Variants in KISS1 observed in about 807,000 individuals in gnomAD.
KISS1 encodes the protein KiSS-1 metastasis suppressor.
For missense variants in KISS1, 182 were observed against 182.7 expected, an observed-to-expected ratio of 1.00 and a Z score of 0.02; for synonymous variants, 97 against 88.7, an observed-to-expected ratio of 1.09 and a Z score of -0.52.
At position 204,190,572 on chromosome 1, in the gene KISS1, G is replaced by C. The variant is rs767701905; in HGVS notation, c.329C>G (p.Pro110Arg). The stretch of plus-strand genomic sequence containing the variant: ...GCCGAAGGAGTTCCAGTTGTAGTTC[G>C]GCAGGTCCTTCTCCCGCTGCACCAG... ...AVLVQREKDL[P>R]NYNWNSFGLR... Residue 110 changes from proline (P) to arginine (R), a missense_variant, in exon 3 of 3, where the codon CCG (proline) becomes CGG (arginine). Coordinates refer to ENST00000367194, the MANE Select transcript of KISS1 (RefSeq NM_002256.4). 6.2e-7 allele frequency: 1 copy of C among 1,605,492 alleles called. No homozygotes were observed. Among genetic ancestry groups the C allele is most frequent in the Non-Finnish European group, 8.5e-7 (1 of 1,176,630 alleles).
rs576887485 is a variant in KISS1, at chr1:204,193,127, G to A, written c.-38-213C>T. On this transcript the variant is annotated intron_variant, in intron 1 of 2. Transcript: ENST00000367194. ...TGTAGTTAAAGCTGAATTCATGCTA[G>A]GTGAGGGTCATCAGGGAGGGCTTCC... 5.3e-5 allele frequency among the ~76,000 whole-genome samples: 8 copies of A among 152,318 alleles called. No individual in the cohort carries two copies. The East Asian group carries it at 1.5e-3, about 29-fold the overall frequency.
At chr1:204,195,197 C>CGCACACACCCATA (rs1558254530) in intron 1 of KISS1, among the ~76,000 whole-genome samples, 1 of 18,520 alleles carries the variant, frequency 5.4e-5, no homozygotes, top group African/African-American at 2.1e-4. Flanking sequence ...CACACACACA[C>CGCACACACCCATA]CACACACATA....
chr1:204,195,197 C>CATACACGCATACACCCATA (rs1558254530), intron 1 of KISS1, among the ~76,000 whole-genome samples: 12 of 18,510 alleles, frequency 6.5e-4, no homozygotes, highest in Non-Finnish European at 1.1e-3. Context: ...CACACACACA[C>CATACACGCATACACCCATA]CACACACATA....
In KISS1 at chr1:204,192,774, C is replaced by G; in HGVS notation, c.103G>C (p.Gly35Arg). 1 of 1,581,862 alleles carries G rather than the reference C, an allele frequency of 6.3e-7. No individual in the cohort carries two copies. The highest frequency in any genetic ancestry group is 1.1e-5 in the South Asian group (1 of 87,428). The change falls in exon 2 of 3, where the codon GGC becomes CGC. Residue 35 changes from glycine to arginine, a missense_variant and splice_region_variant. Transcript: ENST00000367194. This position sits in a 1 kb window ranked among gnomAD's most constrained non-coding sequence, Gnocchi z 4.2. ...ACTCCTTTCCCCAGAGGATACATAC[C>G]TGTGGGTCTAGAATTCCCCACAGAG... ...VASVGNSRPT[G>R]QQLESLGLLA... is the part of the protein sequence containing the mutation.
intron 2 of KISS1, among the ~76,000 whole-genome samples, chr1:204,191,346 C>T (rs1658740138): frequency 6.6e-6 from 1 of 151,710 alleles, no homozygotes; most frequent in Non-Finnish European, 1.5e-5. Context: ...AGAATTGTGA[C>T]CACCCACCCC....
intron 1 of KISS1, among the ~76,000 whole-genome samples, chr1:204,194,857 GC>G (rs1046840696): frequency 3.3e-5 from 5 of 152,232 alleles, no homozygotes; most frequent in African/African-American, 1.2e-4. Flanking sequence ...AGAGGATGGA[GC>G]TTTGCATGGA....
At chr1:204,194,754 G>T (rs1029689840) in intron 1 of KISS1, among the ~76,000 whole-genome samples, 1 of 152,144 alleles carries the variant, frequency 6.6e-6, no homozygotes, top group African/African-American at 2.4e-5. Flanking sequence ...ATCGCTGAAA[G>T]GTTTACAGAA....
Position 204,190,352 on chromosome 1 carries a change from A to C in KISS1, c.*132T>G. 1 of 953,426 alleles carries C rather than the reference A, an allele frequency of 1.0e-6. No individual in the cohort carries two copies. The highest frequency in any genetic ancestry group is 1.6e-6 in the Non-Finnish European group (1 of 618,682). 59.1% of individuals were successfully genotyped at this position (953,426 alleles called of 1,614,324 possible). ...AGACCACACGTCAGTGAGTTACGCA[A>C]CATTTCTTTTATTGCCTCGGGTTGG... On this transcript the variant is annotated 3_prime_UTR_variant, in exon 3 of 3. Transcript: ENST00000367194.
At chr1:204,195,061 C>T (rs1243129629) in intron 1 of KISS1, among the ~76,000 whole-genome samples, 1 of 151,634 alleles carries the variant, frequency 6.6e-6, no homozygotes, top group Non-Finnish European at 1.5e-5. Flanking sequence ...TCCCCTTTCC[C>T]CCCGAGTGCC....
rs762880182 is a variant in KISS1 at position 204,190,634 on chromosome 1, G to T, written c.267C>A (p.Pro89=). The T allele has an allele frequency of 1.9e-6, 3 of 1,584,956 alleles. No individual in the cohort carries two copies. The Admixed American group carries it at 5.4e-5, about 28-fold the overall frequency. The change falls in exon 3 of 3, where the codon CCC becomes CCA. Residue 89 remains proline (P), a synonymous_variant. Coordinates refer to ENST00000367194, the MANE Select transcript of KISS1 (RefSeq NM_002256.4). The part of the protein sequence containing the change: ...GSPQQPGLSA[P]HSRQIPAPQG... Reference sequence around the variant, plus strand: ...GGGGTGCGGGGATCTGGCGGCTGTGGGGGGCGGACAGGCCCGGCTGCTGGG... The same window carrying T: ...GGGGTGCGGGGATCTGGCGGCTGTGTGGGGCGGACAGGCCCGGCTGCTGGG...
At chr1:204,196,345 T>A (rs188200067) in intron 1 of KISS1, 31 bp downstream of exon 1, 1 of 152,432 alleles carries the variant, frequency 6.6e-6, no homozygotes, top group Admixed American at 6.5e-5. Context: ...GCAGACCCCC[T>A]TCCCAGGGGT....
At position 204,192,663 on chromosome 1, in the gene KISS1, A is replaced by G; in HGVS notation, c.103+111T>C. 2.7e-6 allele frequency: 2 copies of G among 741,222 alleles called. No homozygotes were observed. Among genetic ancestry groups the G allele is most frequent in the Non-Finnish European group, 2.4e-6 (1 of 411,980 alleles). The allele number at this position is 741,222 out of a possible 1,614,324, so 45.9% of individuals were successfully genotyped here. A position where few individuals can be genotyped will look rare whatever the true frequency, so the allele number is the denominator to read the frequency against. Reference sequence around the variant, plus strand: ...GCATGTGTGCCAGTCTTAGATTTCCACCAAATGCAATGTTAAACTCACACC... The same window carrying G: ...GCATGTGTGCCAGTCTTAGATTTCCGCCAAATGCAATGTTAAACTCACACC... On this transcript the variant is annotated intron_variant, in intron 2 of 2. Coordinates refer to ENST00000367194, the MANE Select transcript of KISS1 (RefSeq NM_002256.4). This position sits in a 1 kb window ranked among gnomAD's most constrained non-coding sequence, Gnocchi z 4.2.
chr1:204,195,547 AC>A (rs1180294168), intron 1 of KISS1, among the ~76,000 whole-genome samples: 3 of 150,240 alleles, frequency 2.0e-5, no homozygotes, highest in Non-Finnish European at 3.0e-5. Context: ...ACAGATATAT[AC>A]CCATACACCC....
rs767935087 is a variant in KISS1 at position 204,192,822 on chromosome 1, CA to C, written c.54del (p.Phe18LeufsTer5). 62 of 1,599,830 alleles carry C rather than the reference CA, an allele frequency of 3.9e-5. No homozygotes were observed. Among genetic ancestry groups the C allele is most frequent in the Non-Finnish European group, 5.2e-5 (61 of 1,171,764 alleles). On this transcript the variant is annotated frameshift_variant, in exon 2 of 3. Coordinates refer to ENST00000367194, the MANE Select transcript of KISS1 (RefSeq NM_002256.4). LOFTEE classifies it low-confidence loss of function (END_TRUNC). This position sits in a 1 kb window ranked among gnomAD's most constrained non-coding sequence, Gnocchi z 4.2. ...QLLLFLCATH[F>X]GEPLEKVASV... Reference sequence around the variant, plus strand: ...GAGGCCACCTTTTCTAATGGCTCCCCAAAGTGGGTGGCACAGAGGAAAAGCA... The same window carrying C: ...GAGGCCACCTTTTCTAATGGCTCCCCAAGTGGGTGGCACAGAGGAAAAGCA...
chr1:204,195,322 GCCACA>G (rs1658831979), intron 1 of KISS1, among the ~76,000 whole-genome samples: 5 of 3,104 alleles, frequency 1.6e-3, no homozygotes, highest in South Asian at 0.016. Context: ...ATACACATAT[GCCACA>G]CACACCACAC....
chr1:204,195,309 CACATACACAT>C (rs1334106980), intron 1 of KISS1, among the ~76,000 whole-genome samples: 3 of 57,874 alleles, frequency 5.2e-5, no homozygotes, highest in Admixed American at 3.7e-4. Flanking sequence ...CCCATACACA[CACATACACAT>C]ATGCCACACA....
chr1:204,190,663 T>C lies in KISS1; in HGVS notation c.238A>G (p.Ser80Gly). Residue 80 changes from serine (S) to glycine (G), a missense_variant, in exon 3 of 3, where the codon AGC becomes GGC. Transcript: ENST00000367194. Reference sequence around the variant, plus strand: ...GCGGACAGGCCCGGCTGCTGGGGGCTCCCGGAGCTCTCGGGGGGCGGGGAC... The same window carrying C: ...GCGGACAGGCCCGGCTGCTGGGGGCCCCCGGAGCTCTCGGGGGGCGGGGAC... ...SLSPPPESSG[S>G]PQQPGLSAPH... 6.3e-7 allele frequency: 1 copy of C among 1,585,408 alleles called. No individual in the cohort carries two copies. Among genetic ancestry groups the C allele is most frequent in the Non-Finnish European group, 8.6e-7 (1 of 1,166,702 alleles).
chr1:204,190,881 C>A (rs1658732389), intron 2 of KISS1, 84 bp from the exon 3 acceptor site: 1 of 1,191,762 alleles, frequency 8.4e-7, no homozygotes, highest in Admixed American at 2.2e-5. Context: ...TCCTATCCTT[C>A]TTTTCCTTCC....
intron 1 of KISS1, 29 bp downstream of exon 1, chr1:204,196,347 C>T (rs974354710): frequency 6.6e-6 from 1 of 152,418 alleles, no homozygotes; most frequent in African/African-American, 2.4e-5. Context: ...AGACCCCCTT[C>T]CCAGGGGTGG....
Sources: allele counts gnomAD v4.1 joint callset (sites outside exome capture counted in the v4.1 genomes callset), GRCh38; gene constraint gnomAD v4.1.1; non-coding constraint Gnocchi (gnomAD v3.1); transcripts MANE v1.5; gene names NCBI Gene and HGNC (gene_info 2026-07-23, HGNC 2026-07-21).